Variants in MARS1 observed in about 807,000 individuals in gnomAD.
MARS1 encodes the protein methionyl-tRNA synthetase 1, also known as methionine--tRNA ligase, cytoplasmic.
MARS1 carries 80 observed loss-of-function variants against 119.5 expected under a neutral mutation model. That is an observed-to-expected ratio of 0.67 (90% CI 0.56 to 0.81). The LOEUF (loss-of-function observed/expected upper bound fraction) is 0.81. MARS1 is among the 30% of genes least tolerant of loss of function. The pLI is 0.00. For missense variants in MARS1, 945 were observed against 1,116.5 expected (o/e 0.85, Z 2.19); for synonymous variants, 418 against 433.4 (o/e 0.96, Z 0.44).
At chr12:57,493,773 TAATA>T (rs1313694521) in intron 7 of MARS1, among the ~76,000 whole-genome samples, 72 of 3,084 alleles carry the variant, frequency 0.023, 9 homozygotes, top group Admixed American at 0.039. Context: ...ATATTATATA[TAATA>T]TATATTATAT....
At chr12:57,492,474 A>C (rs1381876705) in intron 7 of MARS1, among the ~76,000 whole-genome samples, 1 of 152,186 alleles carries the variant, frequency 6.6e-6, no homozygotes, top group Non-Finnish European at 1.5e-5. Flanking sequence ...GTTCGAGACC[A>C]GCCTGGCCAA....
chr12:57,500,599 G>T, intron 10 of MARS1, 77 bp downstream of exon 10: 3 of 1,419,606 alleles, frequency 2.1e-6, no homozygotes, highest in Non-Finnish European at 1.9e-6. Flanking sequence ...GTCCCATTTA[G>T]GATTTTTATT....
chr12:57,500,147 G>C, intron 9 of MARS1, 174 bp from the exon 10 acceptor site: 1 of 667,434 alleles, frequency 1.5e-6, no homozygotes, highest in Admixed American at 2.1e-5. Context: ...ATGTGTGATG[G>C]GTCTGAGCTC....
At chr12:57,495,680 G>A (rs567943037) in intron 7 of MARS1, among the ~76,000 whole-genome samples, 1 of 152,338 alleles carries the variant, frequency 6.6e-6, no homozygotes, top group South Asian at 2.1e-4. Flanking sequence ...AGCGAGCCGA[G>A]ATCACGCCAC....
At chr12:57,491,445 G>A (rs751474584) in intron 7 of MARS1, among the ~76,000 whole-genome samples, 14 of 151,990 alleles carry the variant, frequency 9.2e-5, no homozygotes, top group Non-Finnish European at 1.8e-4. Context: ...AGACTTCTTC[G>A]TTTCTCCCTA....
rs1209702826 is a variant in MARS1, at chr12:57,489,577, T to A, written c.414+19T>A. On this transcript the variant is annotated intron_variant, in intron 4 of 20. Transcript: ENST00000262027. ...GGCTGGGGTGAGTTGGGTCTTGAGA[T>A]GAGGACTGGGGAAGGCTTATGGTGT... 2.5e-6 allele frequency: 4 copies of A among 1,613,822 alleles called. No homozygotes were observed. The highest frequency in any genetic ancestry group is 3.4e-6 in the Non-Finnish European group (4 of 1,180,008).
Position 57,504,294 on chromosome 12 carries a change from C to T in MARS1, c.1363C>T (p.Pro455Ser). 1 of 1,614,030 alleles carries T rather than the reference C, an allele frequency of 6.2e-7. No individual in the cohort carries two copies. The highest frequency in any genetic ancestry group is 1.3e-5 in the African/African-American group (1 of 75,038). The change falls in exon 11 of 21, where the codon CCT becomes TCT. Residue 455 changes from proline (P) to serine (S), a missense_variant. Coordinates refer to ENST00000262027, the MANE Select transcript of MARS1 (RefSeq NM_004990.4). ...GAGCCAGCACCTGTTTCTGGACCTGCCTAAGGTAAGTGAGCTTTTCTCTCA... is the reference window on the plus strand; with the variant it reads ...GAGCCAGCACCTGTTTCTGGACCTGTCTAAGGTAAGTGAGCTTTTCTCTCA... ...QSSQHLFLDLPKLEKRLEEWL... is the reference protein window; with the variant it reads ...QSSQHLFLDLSKLEKRLEEWL...
In MARS1 at chr12:57,497,747, G is replaced by A. The variant is rs1876704508; in HGVS notation, c.771-410G>A. On this transcript the variant is annotated intron_variant, in intron 7 of 20. Coordinates refer to ENST00000262027, the MANE Select transcript of MARS1 (RefSeq NM_004990.4). ...TTTCAGATAGTGGCTAGAGATTATA[G>A]TAACATAGCACCTGGAAAGAAGGGG... Among the ~76,000 whole-genome samples the A allele has an allele frequency of 2.0e-5, 3 of 152,112 alleles. No individual in the cohort carries two copies. The South Asian group carries it at 6.2e-4, about 32-fold the overall frequency.
chr12:57,508,777 G>A (rs1667489780), intron 11 of MARS1, among the ~76,000 whole-genome samples: 1 of 152,026 alleles, frequency 6.6e-6, no homozygotes, highest in African/African-American at 2.4e-5. Flanking sequence ...GGCCAGGCTG[G>A]TCTCAAACTT....
chr12:57,503,275 C>T (rs1877018835), intron 10 of MARS1, among the ~76,000 whole-genome samples: 2 of 150,160 alleles, frequency 1.3e-5, no homozygotes, highest in Non-Finnish European at 3.0e-5. Flanking sequence ...CTCTTGTTGC[C>T]CGGGCTGGAG....
intron 7 of MARS1, 148 bp from the exon 8 acceptor site, chr12:57,498,009 G>T: frequency 1.5e-6 from 1 of 663,892 alleles, no homozygotes; most frequent in Non-Finnish European, 2.7e-6. Context: ...GGAAGCTGTG[G>T]TCCTGTGGGT....
intron 8 of MARS1, 73 bp downstream of exon 8, chr12:57,498,346 T>G (rs935239406): frequency 4.3e-5 from 69 of 1,594,098 alleles, no homozygotes; most frequent in Non-Finnish European, 5.2e-5. Flanking sequence ...GCTTCAAGGG[T>G]GGGGCTGGGG....
intron 10 of MARS1, among the ~76,000 whole-genome samples, chr12:57,501,950 G>A (rs1387198701): frequency 2.0e-5 from 3 of 151,948 alleles, no homozygotes; most frequent in African/African-American, 7.3e-5. Flanking sequence ...AGCCAAGATT[G>A]CCACTGCATT....
At chr12:57,489,391 T>A (rs761236953) in intron 3 of MARS1, 33 bp from the exon 4 acceptor site, 17 of 1,614,066 alleles carry the variant, frequency 1.1e-5, no homozygotes, top group Non-Finnish European at 1.4e-5. Context: ...TTGTTCTGCG[T>A]GGCCATCCTG....
At chr12:57,503,041 A>G (rs1877004764) in intron 10 of MARS1, among the ~76,000 whole-genome samples, 2 of 152,118 alleles carry the variant, frequency 1.3e-5, no homozygotes, top group South Asian at 4.1e-4. Flanking sequence ...CAACAACAAC[A>G]ACAACAACAA....
rs1321731183 is a variant in MARS1 at position 57,498,411 on chromosome 12, C to T, written c.888-9C>T. 1.2e-6 allele frequency: 2 copies of T among 1,612,932 alleles called. No homozygotes were observed. The highest frequency in any genetic ancestry group is 2.2e-5 in the East Asian group (1 of 44,892). On this transcript the variant is annotated splice_polypyrimidine_tract_variant and intron_variant, in intron 8 of 20. Transcript: ENST00000262027. Reference sequence around the variant, plus strand: ...GGGGCCCCCTAGCGATCACCATATTCCCTTGCAGGTACTCTCGCCTCCGCC... The same window carrying T: ...GGGGCCCCCTAGCGATCACCATATTTCCTTGCAGGTACTCTCGCCTCCGCC...
In MARS1 at chr12:57,512,835, CTGCTGACATCTGG is replaced by C; in HGVS notation, c.1839_1851del (p.Asp615SerfsTer22). ...GACATGGCCCAGGACACGGGGATCC[CTGCTGACATCTGG>C]CGCTTCTATCTGCTGTACATTCGGC... On this transcript the variant is annotated frameshift_variant, in exon 15 of 21. Coordinates refer to ENST00000262027, the MANE Select transcript of MARS1 (RefSeq NM_004990.4). LOFTEE classifies it high-confidence loss of function. The C allele has an allele frequency of 6.2e-7, 1 of 1,614,248 alleles. No homozygotes were observed. The highest frequency in any genetic ancestry group is 2.2e-5 in the East Asian group (1 of 44,888).
At chr12:57,494,798 A>G (rs1252111903) in intron 7 of MARS1, among the ~76,000 whole-genome samples, 2 of 152,092 alleles carry the variant, frequency 1.3e-5, no homozygotes, top group Admixed American at 1.3e-4. Context: ...GACACAGCAC[A>G]TGTTTCAGAG....
In MARS1 at chr12:57,512,313, T is replaced by G. The variant is rs1877561997; in HGVS notation, c.1713T>G (p.Ala571=). 1 of 1,614,030 alleles carries G rather than the reference T, an allele frequency of 6.2e-7. No homozygotes were observed. Among genetic ancestry groups the G allele is most frequent in the African/African-American group, 1.3e-5 (1 of 74,914 alleles). The change falls in exon 14 of 21, where the codon GCT becomes GCG. Residue 571 remains alanine, a synonymous_variant. Transcript: ENST00000262027. ...SLVFPCSALG[A]EDNYTLVSHL... is the part of the protein sequence containing the mutation. ...TCTTTCCTTGCTCAGCCCTAGGAGC[T>G]GAGGATAACTATACCTTGGTCAGCC...
Sources: allele counts gnomAD v4.1 joint callset (sites outside exome capture counted in the v4.1 genomes callset), GRCh38; gene constraint gnomAD v4.1.1; transcripts MANE v1.5; gene names NCBI Gene and HGNC (gene_info 2026-07-23, HGNC 2026-07-21).